Variants in CDC14A observed in about 807,000 individuals in gnomAD.
CDC14A encodes dual specificity protein phosphatase CDC14A.
A neutral mutation model predicts 74.4 loss-of-function variants in CDC14A; 53 were observed. That is an observed-to-expected ratio of 0.71 (90% confidence interval 0.57 to 0.89). The LOEUF (loss-of-function observed/expected upper bound fraction) is 0.89, where lower values mean the gene tolerates loss of function less well. CDC14A is among the 40% of genes least tolerant of loss of function. The probability of loss-of-function intolerance (pLI) is 0.00; values close to 1 mark genes in which losing one functional copy is unlikely to be tolerated. For synonymous variants in CDC14A, 247 were observed against 258.4 expected, an observed-to-expected ratio of 0.96 and a Z score of 0.43; for missense variants, 646 against 713.7, an observed-to-expected ratio of 0.91 and a Z score of 1.08.
At chr1:100,477,243 A>G (rs1408098758) in intron 10 of CDC14A, among the ~76,000 whole-genome samples, 3 of 152,134 alleles carry the variant, frequency 2.0e-5, no homozygotes, top group Admixed American at 6.6e-5. Context: ...CAATATCCAT[A>G]GGAAATTAAT....
chr1:100,454,089 T>C (rs1430805282), intron 7 of CDC14A, among the ~76,000 whole-genome samples: 1 of 152,242 alleles, frequency 6.6e-6, no homozygotes, highest in African/African-American at 2.4e-5. Flanking sequence ...GTTTTGATTT[T>C]CATGGAAATG....
intron 5 of CDC14A, among the ~76,000 whole-genome samples, chr1:100,435,153 G>A (rs938932298): frequency 6.6e-6 from 1 of 152,140 alleles, no homozygotes; most frequent in Non-Finnish European, 1.5e-5. Context: ...AAGAATTTTG[G>A]TCTAGAGTTG....
At chr1:100,509,799 G>T (rs1391680674) in intron 15 of CDC14A, among the ~76,000 whole-genome samples, 4 of 152,212 alleles carry the variant, frequency 2.6e-5, no homozygotes, top group African/African-American at 9.6e-5. Flanking sequence ...GTTTTTATCA[G>T]TTTAGAAGTA....
At chr1:100,347,818 G>A (rs898773383), upstream of CDC14A, among the ~76,000 whole-genome samples, 10 of 151,918 alleles carry the variant, frequency 6.6e-5, no homozygotes, top group African/African-American at 2.4e-4. Context: ...TTTTCTTTAC[G>A]TTCTTTGGTA....
At chr1:100,391,317 G>A (rs1199211677) in intron 4 of CDC14A, among the ~76,000 whole-genome samples, 2 of 151,068 alleles carry the variant, frequency 1.3e-5, no homozygotes, top group African/African-American at 4.9e-5. Context: ...TATAAATCCT[G>A]CATATATTAT....
At chr1:100,434,835 G>C (rs1664134728) in intron 5 of CDC14A, among the ~76,000 whole-genome samples, 1 of 152,184 alleles carries the variant, frequency 6.6e-6, no homozygotes, top group South Asian at 2.1e-4. Flanking sequence ...TAGGTGGTTG[G>C]CTGTACTATT....
At chr1:100,390,711 C>G in intron 3 of CDC14A, 21 bp from the exon 4 acceptor site, 2 of 1,503,892 alleles carry the variant, frequency 1.3e-6, no homozygotes, top group Non-Finnish European at 1.8e-6. Flanking sequence ...TACACTAACT[C>G]TTTTTATCTC....
intron 2 of CDC14A, among the ~76,000 whole-genome samples, chr1:100,360,445 G>C (rs1172852691): frequency 6.6e-6 from 1 of 151,630 alleles, no homozygotes; most frequent in Non-Finnish European, 1.5e-5. Context: ...CGGGGTTCAA[G>C]CAATTCTCCC....
chr1:100,376,457 G>A (rs1172767122), intron 2 of CDC14A, among the ~76,000 whole-genome samples: 7 of 152,160 alleles, frequency 4.6e-5, no homozygotes, highest in Admixed American at 4.6e-4. Context: ...GAGATTTAAT[G>A]CCTGAGTGAC....
At chr1:100,476,976 G>T (rs556070433) in intron 10 of CDC14A, among the ~76,000 whole-genome samples, 1 of 152,136 alleles carries the variant, frequency 6.6e-6, no homozygotes, top group African/African-American at 2.4e-5. Flanking sequence ...AGGAGAAGCC[G>T]ATGTGATGAC....
intron 11 of CDC14A, among the ~76,000 whole-genome samples, chr1:100,489,824 A>G (rs895993166): frequency 3.3e-5 from 5 of 151,986 alleles, no homozygotes; most frequent in Non-Finnish European, 5.9e-5. Context: ...GCATCAGCCA[A>G]GTGGTTTTGT....
At chr1:100,355,337 T>C (rs1340582394) in intron 2 of CDC14A, among the ~76,000 whole-genome samples, 2 of 152,208 alleles carry the variant, frequency 1.3e-5, no homozygotes, top group African/African-American at 4.8e-5. Flanking sequence ...TAATATGTCA[T>C]TGAATGAGCT....
At chr1:100,368,921 G>A (rs933929304) in intron 2 of CDC14A, among the ~76,000 whole-genome samples, 1 of 152,128 alleles carries the variant, frequency 6.6e-6, no homozygotes, top group Non-Finnish European at 1.5e-5. Flanking sequence ...AAGATAGAAC[G>A]ATTTATTTTC....
intron 10 of CDC14A, among the ~76,000 whole-genome samples, chr1:100,476,468 G>A (rs1338995486): frequency 6.6e-6 from 1 of 151,990 alleles, no homozygotes; most frequent in East Asian, 1.9e-4. Flanking sequence ...AGCTCTATTG[G>A]CATTTTTGAA....
intron 7 of CDC14A, among the ~76,000 whole-genome samples, chr1:100,454,843 C>T (rs1035178887): frequency 1.3e-5 from 2 of 152,102 alleles, no homozygotes; most frequent in Admixed American, 1.3e-4. Context: ...TTGTTATCCT[C>T]CAGAGTACAG....
At chr1:100,460,068 G>A (rs1012529640) in intron 8 of CDC14A, among the ~76,000 whole-genome samples, 7 of 152,174 alleles carry the variant, frequency 4.6e-5, no homozygotes, top group Admixed American at 2.0e-4. Flanking sequence ...CTTACTAGCT[G>A]TATGTGTACG....
At chr1:100,414,655 C>A (rs1017086006) in intron 4 of CDC14A, among the ~76,000 whole-genome samples, 6 of 152,010 alleles carry the variant, frequency 3.9e-5, no homozygotes, top group Non-Finnish European at 4.4e-5. Flanking sequence ...AACATGAAAC[C>A]ATTCAGTTTG....
chr1:100,426,684 A>G (rs984959170), intron 5 of CDC14A, among the ~76,000 whole-genome samples: 2 of 152,204 alleles, frequency 1.3e-5, no homozygotes. Context: ...CTTTCCAGGT[A>G]ACTTCTGGTA....
intron 2 of CDC14A, among the ~76,000 whole-genome samples, chr1:100,375,699 A>G (rs1456701439): frequency 1.3e-5 from 2 of 152,200 alleles, no homozygotes; most frequent in African/African-American, 4.8e-5. Flanking sequence ...CACTGTTGGT[A>G]GGACTGTAAA....
Sources: allele counts gnomAD v4.1 joint callset (sites outside exome capture counted in the v4.1 genomes callset), GRCh38; gene constraint gnomAD v4.1.1; transcripts MANE v1.5; gene names NCBI Gene and HGNC (gene_info 2026-07-23, HGNC 2026-07-21).